HTR4: variants seen among roughly 807,000 people sequenced by gnomAD.
HTR4 encodes 5-hydroxytryptamine receptor 4.
Under a neutral mutation model 36.8 loss-of-function variants are expected in HTR4, and 16 were observed. The ratio of observed to expected loss-of-function variants is 0.43; its 90% CI spans 0.29 to 0.66. The LOEUF is 0.66. HTR4 is among the 30% of genes least tolerant of loss of function. The probability of loss-of-function intolerance (pLI) is 0.13; values close to 1 mark genes in which losing one functional copy is unlikely to be tolerated. For missense variants in HTR4, 438 were observed against 490.9 expected, an observed-to-expected ratio of 0.89 and a Z score of 1.02; for synonymous variants, 189 against 185.1, an observed-to-expected ratio of 1.02 and a Z score of -0.17.
At chr5:148,470,848 C>T (rs1477333970) in intron 5 of HTR4, among the ~76,000 whole-genome samples, 1 of 152,098 alleles carries the variant, frequency 6.6e-6, no homozygotes, top group Non-Finnish European at 1.5e-5. Flanking sequence ...ACCACCATGA[C>T]CAGCTAATTT....
chr5:148,625,870 C>T (rs182023769), intron 2 of HTR4, among the ~76,000 whole-genome samples: 140 of 151,954 alleles, frequency 9.2e-4, no homozygotes, highest in Non-Finnish European at 1.7e-3. Context: ...TGAGCCACCG[C>T]GCCTGGCTGC....
At chr5:148,515,198 T>C (rs1017851173) in intron 5 of HTR4, among the ~76,000 whole-genome samples, 3 of 152,124 alleles carry the variant, frequency 2.0e-5, no homozygotes, top group African/African-American at 4.8e-5. Flanking sequence ...TCTTTTATTA[T>C]CTTTATTTTA....
chr5:148,466,063 C>T (rs1755419067), intron 5 of HTR4: 2 of 1,483,356 alleles, frequency 1.3e-6, no homozygotes, highest in Admixed American at 2.3e-5. Flanking sequence ...TCTTAAAGTG[C>T]TTTTAGAGGA....
chr5:148,620,886 C>T (rs1347633666), intron 2 of HTR4, among the ~76,000 whole-genome samples: 1 of 152,168 alleles, frequency 6.6e-6, no homozygotes, highest in African/African-American at 2.4e-5. Context: ...CAAAAGGAAA[C>T]CACATTGAGA....
intron 6 of HTR4, among the ~76,000 whole-genome samples, chr5:148,494,539 C>A (rs1756600153): frequency 6.6e-6 from 1 of 152,160 alleles, no homozygotes; most frequent in Non-Finnish European, 1.5e-5. Flanking sequence ...ATATAGAAAT[C>A]TGAATACACT....
At chr5:148,606,736 C>T (rs532495131) in intron 2 of HTR4, among the ~76,000 whole-genome samples, 1 of 152,270 alleles carries the variant, frequency 6.6e-6, no homozygotes, top group South Asian at 2.1e-4. Flanking sequence ...GTTTGTGATG[C>T]TGTGGCTTAA....
chr5:148,462,780 A>G (rs1416039144), intron 5 of HTR4, among the ~76,000 whole-genome samples: 1 of 152,184 alleles, frequency 6.6e-6, no homozygotes, highest in Non-Finnish European at 1.5e-5. Context: ...TAGCAAATCA[A>G]GTCTAACAAT....
chr5:148,524,140 C>T (rs1404265324), intron 4 of HTR4, among the ~76,000 whole-genome samples: 1 of 152,218 alleles, frequency 6.6e-6, no homozygotes. Context: ...CAACCTGGAG[C>T]TTGCATGTTG....
At chr5:148,473,935 C>G (rs989806987), downstream of HTR4, among the ~76,000 whole-genome samples, 8 of 150,662 alleles carry the variant, frequency 5.3e-5, no homozygotes, top group African/African-American at 1.7e-4. Flanking sequence ...AGAGAATGCT[C>G]TCCACCGAGA....
intron 2 of HTR4, among the ~76,000 whole-genome samples, chr5:148,633,284 T>C (rs1337256488): frequency 6.6e-6 from 1 of 152,196 alleles, no homozygotes; most frequent in Non-Finnish European, 1.5e-5. Flanking sequence ...ATAATGCTTC[T>C]CATATTGCTA....
chr5:148,478,167 C>T (rs772341064), downstream of HTR4, among the ~76,000 whole-genome samples: 27 of 152,276 alleles, frequency 1.8e-4, no homozygotes, highest in Middle Eastern at 6.8e-3. Flanking sequence ...TCTCTGAATG[C>T]CATAGTGCTG....
At chr5:148,466,048 A>G in intron 5 of HTR4, 1 of 1,515,116 alleles carries the variant, frequency 6.6e-7, no homozygotes, top group Non-Finnish European at 8.8e-7. Flanking sequence ...TAAGCTTGCC[A>G]ATATTCTTAA....
At chr5:148,452,175 A>G (rs1754988790) in intron 5 of HTR4, among the ~76,000 whole-genome samples, 1 of 152,236 alleles carries the variant, frequency 6.6e-6, no homozygotes, top group African/African-American at 2.4e-5. Flanking sequence ...GTTTGTACTA[A>G]GCCCTCTCCA....
At chr5:148,635,698 T>G (rs754693371) in intron 2 of HTR4, among the ~76,000 whole-genome samples, 1 of 152,216 alleles carries the variant, frequency 6.6e-6, no homozygotes, top group African/African-American at 2.4e-5. Flanking sequence ...ACCATTGATA[T>G]TGCTCACTCT....
intron 5 of HTR4, among the ~76,000 whole-genome samples, chr5:148,514,752 G>T (rs1344634645): frequency 1.3e-5 from 2 of 151,884 alleles, no homozygotes; most frequent in African/African-American, 2.4e-5. Context: ...TCATCCTCTT[G>T]AATTGATATT....
intron 2 of HTR4, among the ~76,000 whole-genome samples, chr5:148,634,330 T>C (rs1009377064): frequency 6.6e-6 from 1 of 152,118 alleles, no homozygotes; most frequent in South Asian, 2.1e-4. Flanking sequence ...ATGTCAGACA[T>C]CTCAGCAATG....
In HTR4 at chr5:148,492,817, C is replaced by A. The variant is rs139708926; in HGVS notation, c.1077-9524G>T. ...TTGACACTAAATGGTAGATCTCAGA[C>A]AGGACTGAAACCCAGGTGGGCCAGA... On this transcript the variant is annotated intron_variant, in intron 6 of 6. Transcript: ENST00000377888. Among the ~76,000 whole-genome samples, 528 of 152,142 alleles carry A rather than the reference C, an allele frequency of 3.5e-3. 1 individual carries two copies. Among genetic ancestry groups the A allele is most frequent in the Admixed American group, 6.9e-3 (105 of 15,290 alleles).
intron 2 of HTR4, among the ~76,000 whole-genome samples, chr5:148,584,172 C>T (rs1761257688): frequency 6.6e-6 from 1 of 152,178 alleles, no homozygotes; most frequent in Non-Finnish European, 1.5e-5. Flanking sequence ...TTTCAAATGT[C>T]AATCCTTAAG....
At chr5:148,496,916 A>G (rs1756710685) in intron 6 of HTR4, among the ~76,000 whole-genome samples, 1 of 152,184 alleles carries the variant, frequency 6.6e-6, no homozygotes, top group African/African-American at 2.4e-5. Flanking sequence ...AATGCTCAAT[A>G]CATAGTTCCC....
Sources: gnomAD v4.1 joint callset for allele counts (sites outside exome capture counted in the v4.1 genomes callset) on GRCh38, gnomAD v4.1.1 for gene constraint, MANE v1.5 for transcripts, NCBI Gene and HGNC (gene_info 2026-07-23, HGNC 2026-07-21) for gene names.